The following TP53BP2 variants were observed in gnomAD, a reference collection of about 807,000 sequenced individuals.
TP53BP2 encodes apoptosis-stimulating of p53 protein 2.
In TP53BP2, 62 loss-of-function variants were observed where a neutral mutation model predicts 126.2. The ratio of observed to expected loss-of-function variants is 0.49; its 90% CI spans 0.40 to 0.61. The LOEUF is 0.61. Among genes scored for constraint, TP53BP2 ranks in the 20% least tolerant of loss-of-function variants. The pLI is 0.00. For synonymous variants in TP53BP2, 485 were observed against 502.9 expected, an observed-to-expected ratio of 0.96 and a Z score of 0.48; for missense variants, 1,215 against 1,402.8, an observed-to-expected ratio of 0.87 and a Z score of 2.14.
Position 223,806,909 on chromosome 1 carries a change from A to C in TP53BP2, c.411T>G (p.Leu137=). 6.2e-7 allele frequency: 1 copy of C among 1,614,090 alleles called. No homozygotes were observed. The highest frequency in any genetic ancestry group is 8.5e-7 in the Non-Finnish European group (1 of 1,179,956). The change falls in exon 5 of 18, where the codon CTT becomes CTG. Residue 137 remains leucine (L), a synonymous_variant. Coordinates refer to ENST00000343537, the MANE Select transcript of TP53BP2 (RefSeq NM_001031685.3). ...SPRMDLTLAE[L]QEMASRQQQQ... Reference sequence around the variant, plus strand: ...GCTGCTGGCGAGATGCCATTTCCTGAAGTTCAGCAAGAGTCAGATCCATCC... The same window carrying C: ...GCTGCTGGCGAGATGCCATTTCCTGCAGTTCAGCAAGAGTCAGATCCATCC...
At chr1:223,830,071 T>C (rs1663644104) in intron 1 of TP53BP2, among the ~76,000 whole-genome samples, 1 of 152,134 alleles carries the variant, frequency 6.6e-6, no homozygotes, top group Admixed American at 6.5e-5. Flanking sequence ...TATGAAGACA[T>C]GCAGGGAAAT....
chr1:223,844,505 T>C (rs1309528194), intron 1 of TP53BP2, among the ~76,000 whole-genome samples: 2 of 152,220 alleles, frequency 1.3e-5, no homozygotes, highest in Non-Finnish European at 2.9e-5. Flanking sequence ...ATTTCAATAT[T>C]GGGTATTCAC....
intron 17 of TP53BP2, among the ~76,000 whole-genome samples, chr1:223,782,228 T>TAA (rs1661799765): frequency 6.6e-6 from 1 of 152,224 alleles, no homozygotes; most frequent in Non-Finnish European, 1.5e-5. Flanking sequence ...TCAAATCATG[T>TAA]TATACACCAT....
At chr1:223,834,918 G>A (rs757221839) in intron 1 of TP53BP2, 4 of 949,462 alleles carry the variant, frequency 4.2e-6, no homozygotes, top group Non-Finnish European at 5.0e-6. Flanking sequence ...CTGTCCTACT[G>A]GTCTATACAT....
intron 15 of TP53BP2, 53 bp from the exon 16 acceptor site, chr1:223,789,227 T>TCA (rs1271304886): frequency 6.3e-7 from 1 of 1,584,130 alleles, no homozygotes; most frequent in Non-Finnish European, 8.6e-7. Context: ...GAATGACACC[T>TCA]GCTGATAAGA....
At position 223,780,213 on chromosome 1, in the gene TP53BP2, CA is replaced by C. The variant is rs1369914948; in HGVS notation, c.*639del. On this transcript the variant is annotated 3_prime_UTR_variant, in exon 18 of 18. Transcript: ENST00000343537. ...AAGACAATAAATACAGATTAAAATT[CA>C]GCCTACAAACAAGATTCTACATCTA... 2.0e-5 allele frequency: 3 copies of C among 152,206 alleles called. No individual in the cohort carries two copies. The highest frequency in any genetic ancestry group is 7.2e-5 in the African/African-American group (3 of 41,458). 9.4% of individuals were successfully genotyped at this position (152,206 alleles called of 1,614,324 possible). A position where few individuals can be genotyped will look rare whatever the true frequency, so the allele number is the denominator to read the frequency against.
chr1:223,798,812 C>G (rs868507359), intron 11 of TP53BP2, 135 bp from the exon 12 acceptor site: 7 of 790,856 alleles, frequency 8.9e-6, no homozygotes, highest in Middle Eastern at 3.8e-4. Flanking sequence ...GGGCTCACAC[C>G]TGTAATCCCA....
intron 1 of TP53BP2, among the ~76,000 whole-genome samples, chr1:223,823,867 T>C (rs1182744152): frequency 1.3e-5 from 2 of 152,360 alleles, no homozygotes; most frequent in South Asian, 2.1e-4. Flanking sequence ...TAACTTTTCA[T>C]TGTAAATATG....
intron 1 of TP53BP2, among the ~76,000 whole-genome samples, chr1:223,822,690 C>T (rs1663354163): frequency 6.7e-6 from 1 of 150,200 alleles, no homozygotes; most frequent in Non-Finnish European, 1.5e-5. Context: ...AAAAACCTAA[C>T]AATCTTGACA....
intron 3 of TP53BP2, 103 bp from the exon 4 acceptor site, chr1:223,810,616 T>C (rs1662879068): frequency 1.2e-6 from 1 of 802,628 alleles, no homozygotes; most frequent in Non-Finnish European, 1.9e-6. Flanking sequence ...ATATTTTAAG[T>C]TGAATGTATT....
chr1:223,834,365 C>G (rs7528455), intron 1 of TP53BP2, among the ~76,000 whole-genome samples: 15,629 of 152,174 alleles, frequency 0.1, 898 homozygotes, highest in African/African-American at 0.16. Context: ...TTAAGAACCA[C>G]TGCATTAGAG....
chr1:223,830,046 A>C (rs1325092953), intron 1 of TP53BP2, among the ~76,000 whole-genome samples: 1 of 152,252 alleles, frequency 6.6e-6, no homozygotes, highest in Non-Finnish European at 1.5e-5. Flanking sequence ...GACAGATCCC[A>C]CAAGACAATA....
chr1:223,824,990 C>G (rs979571559), intron 1 of TP53BP2, among the ~76,000 whole-genome samples: 2 of 149,820 alleles, frequency 1.3e-5, no homozygotes, highest in African/African-American at 5.1e-5. Context: ...CTCAGTGAAG[C>G]CTTACCTAGG....
chr1:223,843,280 T>A (rs1182536911), intron 1 of TP53BP2, among the ~76,000 whole-genome samples: 1 of 151,774 alleles, frequency 6.6e-6, no homozygotes, highest in East Asian at 1.9e-4. Context: ...TTCAAGCAAT[T>A]TTGCCTCAGC....
At position 223,845,738 on chromosome 1, in the gene TP53BP2, G is replaced by A. The variant is rs973244002; in HGVS notation, c.-58C>T. The A allele has an allele frequency of 1.4e-6, 2 of 1,466,212 alleles. No individual in the cohort carries two copies. Among genetic ancestry groups the A allele is most frequent in the Non-Finnish European group, 1.8e-6 (2 of 1,108,836 alleles). 90.8% of individuals were successfully genotyped at this position (1,466,212 alleles called of 1,614,324 possible). On this transcript the variant is annotated 5_prime_UTR_variant, in exon 1 of 18. Coordinates refer to ENST00000343537, the MANE Select transcript of TP53BP2 (RefSeq NM_001031685.3). ...AGCTGAGGTGCCCCGGAGGGTCGCG[G>A]ATGCGGGGGAGGGGAGCGGAGAGCG... is the stretch of plus-strand genomic sequence containing the variant.
intron 1 of TP53BP2, among the ~76,000 whole-genome samples, chr1:223,821,899 T>C (rs1050521571): frequency 1.3e-5 from 2 of 152,112 alleles, no homozygotes; most frequent in East Asian, 1.9e-4. Context: ...ATTGTACTTT[T>C]TTTTTTTTTG....
In TP53BP2 at chr1:223,831,475, AAAAAAATAT is replaced by A. The variant is rs1260741329; in HGVS notation, c.28-10117_28-10109del. On this transcript the variant is annotated intron_variant, in intron 1 of 17. Coordinates refer to ENST00000343537, the MANE Select transcript of TP53BP2 (RefSeq NM_001031685.3). ...ACACATATGTACCATCTAAAAAAAA[AAAAAAATAT>A]ATATATATATATATATATATATATA... Among the ~76,000 whole-genome samples, 21 of 47,068 alleles carry A rather than the reference AAAAAAATAT, an allele frequency of 4.5e-4. 1 individual carries two copies. The highest frequency in any genetic ancestry group is 7.1e-4 in the African/African-American group (6 of 8,396). The allele number at this position is 47,068 out of a possible 152,430, so 30.9% of individuals were successfully genotyped here.
At chr1:223,816,269 C>T (rs919123310) in intron 2 of TP53BP2, among the ~76,000 whole-genome samples, 2 of 152,018 alleles carry the variant, frequency 1.3e-5, no homozygotes, top group African/African-American at 2.4e-5. Context: ...AACAGGCATC[C>T]GAGAAATATT....
chr1:223,782,669 TCTCAAACTC>T (rs1661813777), intron 17 of TP53BP2, among the ~76,000 whole-genome samples: 1 of 152,086 alleles, frequency 6.6e-6, no homozygotes, highest in Non-Finnish European at 1.5e-5. Flanking sequence ...GCCAGGCTGG[TCTCAAACTC>T]CTGACCTCAA....
Sources: gnomAD v4.1 joint callset for allele counts (sites outside exome capture counted in the v4.1 genomes callset) on GRCh38, gnomAD v4.1.1 for gene constraint, MANE v1.5 for transcripts, NCBI Gene and HGNC (gene_info 2026-07-23, HGNC 2026-07-21) for gene names.